Variants in SLC39A11 observed in about 807,000 individuals in gnomAD.
SLC39A11 encodes the protein solute carrier family 39 member 11, also known as zinc transporter ZIP11.
SLC39A11 carries 33 observed loss-of-function variants against 36.1 expected under a neutral mutation model. The ratio of observed to expected loss-of-function variants is 0.91; its 90% CI spans 0.69 to 1.22. SLC39A11 has a LOEUF of 1.22. Among genes scored for constraint, SLC39A11 ranks in the 50% most tolerant of loss-of-function variants. The pLI is 0.00. For missense variants in SLC39A11, 432 were observed against 430.3 expected (o/e 1.00, Z -0.03); for synonymous variants, 166 against 170.3 (o/e 0.97, Z 0.20).
At chr17:72,712,665 T>C (rs1466269075) in intron 7 of SLC39A11, 1 of 144,308 alleles carries the variant, frequency 6.9e-6, no homozygotes, top group African/African-American at 2.7e-5. Flanking sequence ...TCCACGAAGC[T>C]TGAAGGTAAC....
At chr17:72,771,430 G>A (rs2075939261) in intron 6 of SLC39A11, among the ~76,000 whole-genome samples, 1 of 152,014 alleles carries the variant, frequency 6.6e-6, no homozygotes, top group Non-Finnish European at 1.5e-5. Context: ...GGTGTGCACT[G>A]AGAGTCACTT....
At chr17:72,853,319 C>T (rs1286386153) in intron 5 of SLC39A11, among the ~76,000 whole-genome samples, 1 of 151,922 alleles carries the variant, frequency 6.6e-6, no homozygotes, top group Admixed American at 6.6e-5. Flanking sequence ...TGAGCCACTG[C>T]ACCTTGCCCC....
chr17:72,967,399 A>AGAGAGTGTGTGT (rs143987646), intron 4 of SLC39A11, among the ~76,000 whole-genome samples: 29 of 138,280 alleles, frequency 2.1e-4, no homozygotes, highest in African/African-American at 6.6e-4. Flanking sequence ...AGAGAGAGAG[A>AGAGAGTGTGTGT]GTGTGTGTGT....
intron 7 of SLC39A11, among the ~76,000 whole-genome samples, chr17:72,691,537 G>A (rs17182616): frequency 2.4e-3 from 363 of 152,226 alleles, no homozygotes; most frequent in Non-Finnish European, 3.9e-3. Flanking sequence ...GTCCTCATTC[G>A]CTGTTTCCAC....
At chr17:73,011,353 G>A (rs961253524) in intron 4 of SLC39A11, among the ~76,000 whole-genome samples, 1 of 152,202 alleles carries the variant, frequency 6.6e-6, no homozygotes, top group Non-Finnish European at 1.5e-5. Context: ...GTTAGGGCCA[G>A]ATCAGAAGGA....
intron 6 of SLC39A11, among the ~76,000 whole-genome samples, chr17:72,775,116 C>G (rs1012823957): frequency 6.6e-6 from 1 of 152,150 alleles, no homozygotes; most frequent in African/African-American, 2.4e-5. Flanking sequence ...TTGTTTTGCT[C>G]GCTTTCAGCA....
chr17:73,022,529 A>G (rs2058385546), intron 4 of SLC39A11, among the ~76,000 whole-genome samples: 1 of 144,148 alleles, frequency 6.9e-6, no homozygotes, highest in Admixed American at 7.3e-5. Flanking sequence ...TGGGAGGCGA[A>G]GGATGCAGTG....
intron 4 of SLC39A11, among the ~76,000 whole-genome samples, chr17:72,952,052 C>T (rs1294464489): frequency 4.6e-5 from 7 of 152,118 alleles, no homozygotes; most frequent in Non-Finnish European, 1.0e-4. Flanking sequence ...TCCACCTGTA[C>T]CCACTCCCGC....
chr17:72,903,239 C>A (rs549003586), intron 5 of SLC39A11, among the ~76,000 whole-genome samples: 55 of 138,842 alleles, frequency 4.0e-4, no homozygotes, highest in African/African-American at 1.5e-3. Flanking sequence ...GCACTCCAGC[C>A]TGGGCAACAG....
intron 3 of SLC39A11, among the ~76,000 whole-genome samples, chr17:73,044,200 C>T (rs1468116934): frequency 6.6e-6 from 1 of 152,034 alleles, no homozygotes; most frequent in Non-Finnish European, 1.5e-5. Flanking sequence ...CTCCTTGTTC[C>T]CCAAGAGAAA....
chr17:72,737,754 C>T (rs1164050736), intron 6 of SLC39A11, among the ~76,000 whole-genome samples: 4 of 152,082 alleles, frequency 2.6e-5, no homozygotes, highest in African/African-American at 9.7e-5. Flanking sequence ...TCCCAGCATC[C>T]CTCATACCTC....
At chr17:72,962,041 G>A (rs1438043950) in intron 4 of SLC39A11, among the ~76,000 whole-genome samples, 5 of 152,142 alleles carry the variant, frequency 3.3e-5, no homozygotes, top group Non-Finnish European at 7.3e-5. Flanking sequence ...AACTTATCTG[G>A]GCTTGATGAG....
At chr17:72,726,884 T>A (rs1356491032) in intron 7 of SLC39A11, among the ~76,000 whole-genome samples, 3 of 152,232 alleles carry the variant, frequency 2.0e-5, no homozygotes, top group Non-Finnish European at 4.4e-5. Flanking sequence ...AAATGTAGAC[T>A]AATCAACCAT....
intron 7 of SLC39A11, among the ~76,000 whole-genome samples, chr17:72,683,507 TA>T (rs1397384543): frequency 2.0e-5 from 3 of 151,860 alleles, no homozygotes; most frequent in Non-Finnish European, 4.4e-5. Context: ...GGCTAATTTT[TA>T]AATTTTTTGT....
rs192311351 is a variant in SLC39A11 at position 73,069,329 on chromosome 17, G to A, written c.147+15479C>T. ...GCAAATGTGACTTCTCTCCCCAGCC[G>A]ACCTTGAGCTCCTTGCAGGGAGGGA... On this transcript the variant is annotated intron_variant, in intron 3 of 9. Coordinates refer to ENST00000255559, the MANE Select transcript of SLC39A11 (RefSeq NM_139177.4). Among the ~76,000 whole-genome samples the A allele has an allele frequency of 3.7e-4, 56 of 152,226 alleles. 1 individual carries two copies. Among genetic ancestry groups the A allele is most frequent in the Admixed American group, 2.9e-3 (44 of 15,284 alleles).
At chr17:72,791,985 T>C (rs1326709555) in intron 6 of SLC39A11, among the ~76,000 whole-genome samples, 1 of 152,160 alleles carries the variant, frequency 6.6e-6, no homozygotes, top group Non-Finnish European at 1.5e-5. Flanking sequence ...GATTAACACA[T>C]GTAGTATGAT....
At chr17:72,769,510 T>G (rs2714008) in intron 6 of SLC39A11, among the ~76,000 whole-genome samples, 14,311 of 151,960 alleles carry the variant, frequency 0.094, 1,092 homozygotes, top group East Asian at 0.23. Flanking sequence ...CTATTCAAAG[T>G]GACCCCTCTG....
intron 6 of SLC39A11, among the ~76,000 whole-genome samples, chr17:72,739,404 G>C (rs538197731): frequency 8.1e-4 from 124 of 152,342 alleles, no homozygotes; most frequent in Non-Finnish European, 1.1e-3. Context: ...TGGGATTACA[G>C]GCATGAGCCA....
At chr17:72,784,891 G>A (rs372290436) in intron 6 of SLC39A11, among the ~76,000 whole-genome samples, 1 of 140,854 alleles carries the variant, frequency 7.1e-6, no homozygotes, top group Non-Finnish European at 1.5e-5. Flanking sequence ...ATGGAATCTC[G>A]CTCTGTCGCC....
Sources: allele counts gnomAD v4.1 joint callset (sites outside exome capture counted in the v4.1 genomes callset), GRCh38; gene constraint gnomAD v4.1.1; transcripts MANE v1.5; gene names NCBI Gene and HGNC (gene_info 2026-07-23, HGNC 2026-07-21).